NFATC3: variants seen among roughly 807,000 people sequenced by gnomAD.
NFATC3 encodes nuclear factor of activated T cells 3.
Under a neutral mutation model 98.6 loss-of-function variants are expected in NFATC3, and 46 were observed. The observed-to-expected ratio is 0.47, with a 90% confidence interval of 0.37 to 0.60. The LOEUF (loss-of-function observed/expected upper bound fraction) is 0.60. NFATC3 is among the 20% of genes least tolerant of loss of function. The probability of loss-of-function intolerance (pLI) is 0.00; values close to 1 mark genes in which losing one functional copy is unlikely to be tolerated. For missense variants in NFATC3, 1,256 were observed against 1,295.5 expected (o/e 0.97, Z 0.47); for synonymous variants, 512 against 472.2 (o/e 1.08, Z -1.09).
rs58981935 is a variant in NFATC3 at position 68,222,289 on chromosome 16, C to CAAAAAAA, written c.3107-4030_3107-4024dup. 4.8e-3 allele frequency among the ~76,000 whole-genome samples: 127 copies of CAAAAAAA among 26,396 alleles called. 9 individuals carry two copies. Among genetic ancestry groups the CAAAAAAA allele is most frequent in the East Asian group, 8.4e-3 (3 of 358 alleles). 17.3% of individuals were successfully genotyped at this position (26,396 alleles called of 152,430 possible). On this transcript the variant is annotated intron_variant, in intron 9 of 9. Coordinates refer to ENST00000346183, the MANE Select transcript of NFATC3 (RefSeq NM_173165.3). The stretch of plus-strand genomic sequence containing the variant: ...GGGCAACAGAGTGAGACCCCATTGC[C>CAAAAAAA]AAAAAAAAAAAAAAAAAAAAAAAAA...
chr16:68,151,696 G>A (rs953279404), intron 3 of NFATC3, among the ~76,000 whole-genome samples: 1 of 152,006 alleles, frequency 6.6e-6, no homozygotes, highest in Non-Finnish European at 1.5e-5. Flanking sequence ...ACAACTAAAC[G>A]CATCTTCACA....
chr16:68,221,680 C>G (rs562823001), intron 9 of NFATC3: 1 of 730,152 alleles, frequency 1.4e-6, no homozygotes, highest in African/African-American at 1.9e-5. Context: ...GAGTATAGTC[C>G]GCTTGAGCAC....
intron 3 of NFATC3, among the ~76,000 whole-genome samples, chr16:68,147,094 A>G (rs918397810): frequency 1.7e-4 from 26 of 152,208 alleles, no homozygotes; most frequent in African/African-American, 6.3e-4. Flanking sequence ...TTGAAATCTT[A>G]TATGAGTGAT....
chr16:68,121,626 T>C (rs2036586379), intron 1 of NFATC3, among the ~76,000 whole-genome samples: 1 of 145,676 alleles, frequency 6.9e-6, no homozygotes, highest in Non-Finnish European at 1.5e-5. Flanking sequence ...TGAGCTATGA[T>C]CACACCATTG....
Position 68,126,276 on chromosome 16 carries a change from T to C in NFATC3, c.1239-172T>C, listed in dbSNP as rs112486006. 1.8e-3 allele frequency among the ~76,000 whole-genome samples: 278 copies of C among 152,384 alleles called. 4 individuals are homozygous for C. Among genetic ancestry groups the C allele is most frequent in the African/African-American group, 6.3e-3 (262 of 41,598 alleles). ...TTATTCTAAAGATGAAATAATTATT[T>C]ATTAAGCACTCACCATAACCAGAAT... is the stretch of plus-strand genomic sequence containing the variant. On this transcript the variant is annotated intron_variant, in intron 2 of 9. Transcript: ENST00000346183.
intron 1 of NFATC3, chr16:68,086,703 A>G (rs78537727): frequency 0.13 from 124,233 of 985,088 alleles, 8,141 homozygotes; most frequent in South Asian, 0.19. Flanking sequence ...TATGAGGTGA[A>G]TTTCTTAATG....
intron 9 of NFATC3, among the ~76,000 whole-genome samples, chr16:68,202,759 C>A (rs1300216773): frequency 6.6e-6 from 1 of 151,988 alleles, no homozygotes; most frequent in Admixed American, 6.6e-5. Context: ...TTGCAGTGAG[C>A]CGAGATCGTG....
intron 4 of NFATC3, among the ~76,000 whole-genome samples, chr16:68,160,426 T>C (rs1362065627): frequency 1.3e-5 from 2 of 151,836 alleles, no homozygotes; most frequent in East Asian, 1.9e-4. Context: ...GATTGCGCCA[T>C]TGCACTCCAG....
chr16:68,186,755 T>C (rs1210327899), intron 8 of NFATC3, among the ~76,000 whole-genome samples: 2 of 152,244 alleles, frequency 1.3e-5, no homozygotes, highest in Non-Finnish European at 2.9e-5. Context: ...AACTTCTTAG[T>C]ATTTTGTTGT....
chr16:68,171,940 C>T (rs543153107), intron 5 of NFATC3, among the ~76,000 whole-genome samples: 1 of 151,990 alleles, frequency 6.6e-6, no homozygotes, highest in Non-Finnish European at 1.5e-5. Context: ...AGGCGTGCAC[C>T]ACCACACCTG....
chr16:68,213,280 T>TG lies in NFATC3; in HGVS notation c.3107-13068dup, dbSNP rs2041494275. Among the ~76,000 whole-genome samples the TG allele has an allele frequency of 2.7e-5, 4 of 150,900 alleles. No individual in the cohort carries two copies. In the South Asian group the frequency reaches 6.3e-4, roughly 24 times the overall value. On this transcript the variant is annotated intron_variant, in intron 9 of 9. Coordinates refer to ENST00000346183, the MANE Select transcript of NFATC3 (RefSeq NM_173165.3). ...AATACAAAAAATTAGCCGGGCGTGG[T>TG]GGCGGGCACCTGTGGTCCCAGGTAC...
intron 1 of NFATC3, among the ~76,000 whole-genome samples, chr16:68,101,368 T>A (rs913570459): frequency 2.6e-5 from 4 of 152,226 alleles, no homozygotes; most frequent in Non-Finnish European, 4.4e-5. Context: ...TGTCTCAAAC[T>A]GTAGGGCTCA....
chr16:68,116,064 A>G (rs539084617), intron 1 of NFATC3, among the ~76,000 whole-genome samples: 7 of 152,208 alleles, frequency 4.6e-5, no homozygotes, highest in South Asian at 2.1e-4. Flanking sequence ...TTTGACAGTT[A>G]CTCAGTTCTA....
chr16:68,186,008 A>G (rs962197563), intron 8 of NFATC3, among the ~76,000 whole-genome samples: 1 of 152,140 alleles, frequency 6.6e-6, no homozygotes, highest in Non-Finnish European at 1.5e-5. Context: ...GAAAGAAAAC[A>G]TTGGGTTGCA....
At chr16:68,102,298 G>A (rs2151464237) in intron 1 of NFATC3, among the ~76,000 whole-genome samples, 1 of 149,426 alleles carries the variant, frequency 6.7e-6, no homozygotes, top group East Asian at 2.0e-4. Context: ...CTTGAACCCA[G>A]GAGGCAGAGG....
intron 9 of NFATC3, among the ~76,000 whole-genome samples, chr16:68,195,676 T>TGGTCGC (rs200794675): frequency 0.12 from 17,779 of 151,626 alleles, 1,166 homozygotes; most frequent in South Asian, 0.15. Flanking sequence ...GGCGTGGTGG[T>TGGTCGC]GGTCGCCTGT....
At chr16:68,172,681 G>A (rs906681943) in intron 5 of NFATC3, among the ~76,000 whole-genome samples, 2 of 152,100 alleles carry the variant, frequency 1.3e-5, no homozygotes, top group East Asian at 1.9e-4. Flanking sequence ...CCTAGGGAGG[G>A]TGAGATCTGA....
intron 9 of NFATC3, among the ~76,000 whole-genome samples, chr16:68,220,486 A>G (rs894271915): frequency 6.6e-6 from 1 of 152,040 alleles, no homozygotes; most frequent in African/African-American, 2.4e-5. Context: ...AAGAAAAATG[A>G]TAAAATTGTA....
intron 1 of NFATC3, among the ~76,000 whole-genome samples, chr16:68,107,489 G>A (rs1362456692): frequency 2.0e-5 from 3 of 152,166 alleles, no homozygotes; most frequent in Non-Finnish European, 4.4e-5. Context: ...TTGAGGGGCC[G>A]GGGCGGGCGG....
Sources: allele counts gnomAD v4.1 joint callset (sites outside exome capture counted in the v4.1 genomes callset), GRCh38; gene constraint gnomAD v4.1.1; transcripts MANE v1.5; gene names NCBI Gene and HGNC (gene_info 2026-07-23, HGNC 2026-07-21).